Variants in HNRNPH1 observed in about 807,000 individuals in gnomAD.
HNRNPH1 encodes heterogeneous nuclear ribonucleoprotein H.
In HNRNPH1, 4 loss-of-function variants were observed where a neutral mutation model predicts 58.6. The ratio of observed to expected loss-of-function variants is 0.07; its 90% CI spans 0.03 to 0.16. HNRNPH1 has a LOEUF of 0.16. Among genes scored for constraint, HNRNPH1 ranks in the 10% least tolerant of loss-of-function variants. The pLI, the probability that HNRNPH1 is intolerant of heterozygous loss-of-function variation, is 1.00. For synonymous variants in HNRNPH1, 192 were observed against 189.2 expected (o/e 1.01, Z -0.12); for missense variants, 271 against 564.2 (o/e 0.48, Z 5.26).
rs562639971 is a variant in HNRNPH1 at position 179,631,597 on chromosome 5, A to C, written c.-32+2468T>G. Among the ~76,000 whole-genome samples, 10 of 152,274 alleles carry C rather than the reference A, an allele frequency of 6.6e-5. No individual in the cohort carries two copies. The South Asian group carries it at 2.1e-3, about 32-fold the overall frequency. On this transcript the variant is annotated intron_variant, in intron 2 of 4. Transcript: ENST00000521116. ...CCCGCCTCTATTAAAAATACAAAAAATTAGCCAGGTGCAGTGGCGTAGGCC... is the reference window on the plus strand; with the variant it reads ...CCCGCCTCTATTAAAAATACAAAAACTTAGCCAGGTGCAGTGGCGTAGGCC...
chr5:179,619,116 G>GT (rs1310707971), intron 4 of HNRNPH1, 153 bp downstream of exon 5: 5 of 651,752 alleles, frequency 7.7e-6, no homozygotes, highest in Non-Finnish European at 1.3e-5. Flanking sequence ...TAGTTTGCGT[G>GT]TAACGTGGGA....
At chr5:179,618,638 G>A (rs1770915173) in intron 4 of HNRNPH1, 1 of 213,702 alleles carries the variant, frequency 4.7e-6, no homozygotes, top group Non-Finnish European at 9.3e-6. Flanking sequence ...AACATTTCAA[G>A]TCTTAAATCC....
Position 179,632,613 on chromosome 5 carries a change from G to A in HNRNPH1, c.-32+1452C>T, listed in dbSNP as rs535519899. On this transcript the variant is annotated intron_variant, in intron 2 of 4. Transcript: ENST00000521116. Reference sequence around the variant, plus strand: ...GGTCTGCCCGACGGCCACCTGAGGAGGGACCGAGCACGCCCTCTCCGGTTC... The same window carrying A: ...GGTCTGCCCGACGGCCACCTGAGGAAGGACCGAGCACGCCCTCTCCGGTTC... Among the ~76,000 whole-genome samples the A allele has an allele frequency of 6.6e-5, 10 of 152,346 alleles. No homozygotes were observed. In the East Asian group the frequency reaches 1.2e-3, roughly 18 times the overall value.
intron 1 of HNRNPH1, chr5:179,622,087 A>C: frequency 2.3e-6 from 1 of 431,932 alleles, no homozygotes; most frequent in Non-Finnish European, 4.6e-6. Context: ...AATAATAGGA[A>C]CAAGGACATT....
chr5:179,616,294 A>G, intron 10 of HNRNPH1, 76 bp from the exon 12 acceptor site: 1 of 1,132,300 alleles, frequency 8.8e-7, no homozygotes, highest in African/African-American at 1.5e-5. Flanking sequence ...TTGTAATTCT[A>G]TAGCTATCAT....
At chr5:179,622,943 G>GCCGCCCGCCAGCCCGCCCGC (rs1773373833) in intron 1 of HNRNPH1, 94 bp downstream of exon 2, 2 of 90,448 alleles carry the variant, frequency 2.2e-5, no homozygotes, top group Admixed American at 2.4e-4. Flanking sequence ...GCCCGGCCCG[G>GCCGCCCGCCAGCCCGCCCGC]CCCGCCCCGC....
intron 2 of HNRNPH1, among the ~76,000 whole-genome samples, chr5:179,629,948 T>G (rs1189306160): frequency 6.6e-6 from 1 of 151,996 alleles, no homozygotes; most frequent in Non-Finnish European, 1.5e-5. Context: ...CACTTGAACC[T>G]GGGAGGCGGA....
intron 11 of HNRNPH1, chr5:179,615,850 C>T (rs948056201): frequency 1.7e-5 from 9 of 520,592 alleles, no homozygotes; most frequent in Admixed American, 7.2e-5. Context: ...CGACAGTATT[C>T]CAAAGCTGCA....
At chr5:179,621,531 T>A (rs1246689431) in intron 1 of HNRNPH1, 134 bp from the exon 3 acceptor site, 2 of 680,350 alleles carry the variant, frequency 2.9e-6, no homozygotes, top group Non-Finnish European at 2.5e-6. Context: ...GACCACGATA[T>A]TACCAACTCC....
chr5:179,626,280 G>A (rs1350236032), upstream of HNRNPH1, among the ~76,000 whole-genome samples: 2 of 151,374 alleles, frequency 1.3e-5, no homozygotes, highest in Non-Finnish European at 2.9e-5. Flanking sequence ...TTTTTTTTAA[G>A]TTTTAGTTGA....
rs779204587 is a variant in HNRNPH1, at chr5:179,616,826, A to G, written c.1207+43T>C. On this transcript the variant is annotated intron_variant, in intron 10 of 12. Coordinates refer to ENST00000356731, the Ensembl canonical transcript of HNRNPH1. ...AACTTAACTTATAATTGACTTATACAGATATAAACGTTTTGGTTTTTAAAA... is the reference window on the plus strand; with the variant it reads ...AACTTAACTTATAATTGACTTATACGGATATAAACGTTTTGGTTTTTAAAA... 3.4e-6 allele frequency: 5 copies of G among 1,458,600 alleles called. No homozygotes were observed. In the Admixed American group the frequency reaches 6.9e-5, roughly 20 times the overall value. The allele number at this position is 1,458,600 out of a possible 1,614,324, so 90.4% of individuals were successfully genotyped here. A position where few individuals can be genotyped will look rare whatever the true frequency, so the allele number is the denominator to read the frequency against.
At chr5:179,617,954 C>A in intron 6 of HNRNPH1, 22 bp from the exon 8 acceptor site, 1 of 1,613,906 alleles carries the variant, frequency 6.2e-7, no homozygotes, top group South Asian at 1.1e-5. Context: ...AGAGTGTAAG[C>A]ATCCTTCAAC....
chr5:179,622,342 T>C (rs1287940210), intron 1 of HNRNPH1, among the ~76,000 whole-genome samples: 2 of 152,210 alleles, frequency 1.3e-5, no homozygotes, highest in Non-Finnish European at 2.9e-5. Context: ...AACATTACTA[T>C]TATTTGTCTA....
chr5:179,624,598 G>C (rs1774176355), exon 1 of HNRNPH1: 3 of 398,766 alleles, frequency 7.5e-6, no homozygotes. Context: ...CGCTGCATTC[G>C]AGGAGGCCCC....
chr5:179,628,404 A>G (rs1308740201), upstream of HNRNPH1, among the ~76,000 whole-genome samples: 1 of 152,104 alleles, frequency 6.6e-6, no homozygotes, highest in Non-Finnish European at 1.5e-5. Context: ...CCCAGGCTGG[A>G]ATGCAATGGC....
rs76185224 is a variant in HNRNPH1, at chr5:179,623,170, A to C, written c.-37T>G. 9,373 of 1,483,084 alleles carry C rather than the reference A, an allele frequency of 6.3e-3. 39 individuals are homozygous for C. The highest frequency in any genetic ancestry group is 9.2e-3 in the South Asian group (815 of 88,886). The allele number at this position is 1,483,084 out of a possible 1,614,324, so 91.9% of individuals were successfully genotyped here. A position where few individuals can be genotyped will look rare whatever the true frequency, so the allele number is the denominator to read the frequency against. On this transcript the variant is annotated 5_prime_UTR_variant, in exon 1 of 13. Transcript: ENST00000356731. Reference sequence around the variant, plus strand: ...CGGTCCGGCGTCGAAACAAACTGCAAAGCGGGGAGGACCAGAACTGAGAGC... The same window carrying C: ...CGGTCCGGCGTCGAAACAAACTGCACAGCGGGGAGGACCAGAACTGAGAGC...
At chr5:179,615,503 G>C (rs1166209026) in intron 12 of HNRNPH1, 43 bp downstream of exon 13, 1 of 1,034,386 alleles carries the variant, frequency 9.7e-7, no homozygotes, top group Non-Finnish European at 1.5e-6. Context: ...CAACATATCA[G>C]TATTTGCTAT....
chr5:179,630,742 T>TAAAA lies in HNRNPH1; in HGVS notation c.-32+3322_-32+3323insTTTT, dbSNP rs1774761567. ...CTGGTCAACATGGTGAAACCCCGTC[T>TAAAA]CTACTAAAAGTACAAAAAATCAGCT... is the stretch of plus-strand genomic sequence containing the variant. On this transcript the variant is annotated intron_variant, in intron 2 of 4. Transcript: ENST00000521116. 1.4e-4 allele frequency among the ~76,000 whole-genome samples: 22 copies of TAAAA among 152,050 alleles called. 1 individual carries two copies. The highest frequency in any genetic ancestry group is 1.4e-3 in the Admixed American group (22 of 15,262).
rs551268241 is a variant in HNRNPH1 at position 179,621,564 on chromosome 5, CAA to C, written c.98-169_98-168del. ...TCCTAAAACTCCAATTAAAAAAAAA[CAA>C]ACTCATTCCTAAGGTGATATATTTC... is the stretch of plus-strand genomic sequence containing the variant. On this transcript the variant is annotated intron_variant, in intron 1 of 12. Coordinates refer to ENST00000356731, the Ensembl canonical transcript of HNRNPH1. The C allele has an allele frequency of 2.3e-3, 1,382 of 596,856 alleles. 22 individuals carry two copies. The highest frequency in any genetic ancestry group is 0.018 in the South Asian group (829 of 45,366). 37.0% of individuals were successfully genotyped at this position (596,856 alleles called of 1,614,324 possible). A position where few individuals can be genotyped will look rare whatever the true frequency, so the allele number is the denominator to read the frequency against.
Sources: allele counts gnomAD v4.1 joint callset (sites outside exome capture counted in the v4.1 genomes callset), GRCh38; gene constraint gnomAD v4.1.1; transcripts MANE v1.5; gene names NCBI Gene and HGNC (gene_info 2026-07-23, HGNC 2026-07-21).